The following TDRD3 variants were observed in gnomAD, a reference collection of about 807,000 sequenced individuals.
TDRD3 encodes tudor domain containing 3.
In TDRD3, 45 loss-of-function variants were observed where a neutral mutation model predicts 86.7. That is an observed-to-expected ratio of 0.52 (90% CI 0.41 to 0.67). TDRD3 has a LOEUF of 0.67. Among genes scored for constraint, TDRD3 ranks in the 30% least tolerant of loss-of-function variants. The pLI is 0.00. For missense variants in TDRD3, 814 were observed against 889.0 expected (o/e 0.92, Z 1.07); for synonymous variants, 298 against 301.7 (o/e 0.99, Z 0.13).
At chr13:60,499,906 T>G (rs1388174444) in intron 8 of TDRD3, among the ~76,000 whole-genome samples, 2 of 152,104 alleles carry the variant, frequency 1.3e-5, no homozygotes, top group African/African-American at 4.8e-5. Context: ...TTGAGTGGGG[T>G]CCAGAACAGG....
At chr13:60,464,599 C>G (rs547052427) in intron 4 of TDRD3, among the ~76,000 whole-genome samples, 1 of 152,008 alleles carries the variant, frequency 6.6e-6, no homozygotes, top group African/African-American at 2.4e-5. Context: ...CACACACACA[C>G]ATACACTGGA....
At chr13:60,565,515 GATAGAA>G (rs1958438934) in intron 12 of TDRD3, among the ~76,000 whole-genome samples, 3 of 152,206 alleles carry the variant, frequency 2.0e-5, no homozygotes, top group Middle Eastern at 6.8e-3. Context: ...AAACACAATA[GATAGAA>G]ATAGATTTTC....
At chr13:60,496,343 A>ATATATATATATATATC (rs1339973715) in intron 8 of TDRD3, among the ~76,000 whole-genome samples, 2 of 91,554 alleles carry the variant, frequency 2.2e-5, no homozygotes, top group African/African-American at 4.1e-5. Context: ...ATATATATAT[A>ATATATATATATATATC]TCCTCTAAAG....
At chr13:60,478,585 A>C (rs1214061255) in intron 5 of TDRD3, among the ~76,000 whole-genome samples, 3 of 152,036 alleles carry the variant, frequency 2.0e-5, no homozygotes, top group Non-Finnish European at 2.9e-5. Context: ...GATTACAGGC[A>C]TGAGCTACCG....
At chr13:60,406,351 A>G (rs1344125149) in intron 1 of TDRD3, among the ~76,000 whole-genome samples, 1 of 152,234 alleles carries the variant, frequency 6.6e-6, no homozygotes, top group African/African-American at 2.4e-5. Flanking sequence ...ATACGCACTG[A>G]ATTTGGAAGA....
At chr13:60,557,165 CA>C (rs1406923421) in intron 12 of TDRD3, among the ~76,000 whole-genome samples, 1 of 141,620 alleles carries the variant, frequency 7.1e-6, no homozygotes, top group Non-Finnish European at 1.5e-5. Context: ...GAGATTGTGC[CA>C]TCGCACTCCA....
At chr13:60,495,775 A>G (rs1399295959) in intron 8 of TDRD3, among the ~76,000 whole-genome samples, 2 of 152,012 alleles carry the variant, frequency 1.3e-5, no homozygotes, top group Non-Finnish European at 2.9e-5. Flanking sequence ...GTGGGATAAA[A>G]GTTTTTAAGG....
intron 1 of TDRD3, among the ~76,000 whole-genome samples, chr13:60,406,673 C>T (rs2137811738): frequency 6.6e-6 from 1 of 152,210 alleles, no homozygotes; most frequent in Admixed American, 6.5e-5. Flanking sequence ...ATTGAGTTTT[C>T]TAAGAACAGA....
At chr13:60,400,977 A>T (rs914819160) in intron 1 of TDRD3, among the ~76,000 whole-genome samples, 1 of 152,186 alleles carries the variant, frequency 6.6e-6, no homozygotes, top group African/African-American at 2.4e-5. Flanking sequence ...ACATTTAAAA[A>T]TTGAAAATTG....
At chr13:60,489,245 T>A (rs924414826) in intron 7 of TDRD3, among the ~76,000 whole-genome samples, 2 of 152,242 alleles carry the variant, frequency 1.3e-5, no homozygotes. Context: ...TAGTTATTTA[T>A]TGATTTCTTT....
Position 60,397,392 on chromosome 13 carries a change from T to C in TDRD3, c.28T>C (p.Ser10Pro). The C allele has an allele frequency of 6.7e-7, 1 of 1,500,542 alleles. No homozygotes were observed. Among genetic ancestry groups the C allele is most frequent in the Non-Finnish European group, 8.9e-7 (1 of 1,126,370 alleles). The allele number at this position is 1,500,542 out of a possible 1,614,324, so 93.0% of individuals were successfully genotyped here. A position where few individuals can be genotyped will look rare whatever the true frequency, so the allele number is the denominator to read the frequency against. The change falls in exon 1 of 14, where the codon TCC becomes CCC. Residue 10 changes from serine to proline, a missense_variant. Physicochemically the swap from Ser to Pro is moderately conservative, Grantham distance 74. Coordinates refer to ENST00000377881, the MANE Select transcript of TDRD3 (RefSeq NM_001146070.2). ...GGCCCAGGTGGCCGGCGCGGCGTTGTCCCAGGCGGGTTGGTAAGTGGCGAG... is the reference window on the plus strand; with the variant it reads ...GGCCCAGGTGGCCGGCGCGGCGTTGCCCCAGGCGGGTTGGTAAGTGGCGAG... MAQVAGAALSQAGWYLSDEG... is the reference protein window; with the variant it reads MAQVAGAALPQAGWYLSDEG...
intron 7 of TDRD3, among the ~76,000 whole-genome samples, chr13:60,490,050 G>GTTTTTT (rs11397531): frequency 1.8e-5 from 2 of 111,042 alleles, no homozygotes; most frequent in Admixed American, 1.0e-4. Context: ...AAGCATCTTA[G>GTTTTTT]TTTTTTTTTT....
chr13:60,447,519 C>T (rs945153512), intron 3 of TDRD3, among the ~76,000 whole-genome samples: 3 of 152,116 alleles, frequency 2.0e-5, no homozygotes, highest in Non-Finnish European at 2.9e-5. Context: ...GTATTTTTAT[C>T]TTGAAAGTCT....
chr13:60,439,694 T>C lies in TDRD3; in HGVS notation c.48T>C (p.Leu16=). 6.5e-7 allele frequency: 1 copy of C among 1,536,832 alleles called. No homozygotes were observed. Among genetic ancestry groups the C allele is most frequent in the Non-Finnish European group, 8.8e-7 (1 of 1,142,502 alleles). ...GAALSQAGWY[L]SDEGIEACTS... is the part of the protein sequence containing the mutation. ...ATTTATTTTATTTTAACAGGTATCT[T>C]TCAGATGAAGGCATTGAAGCTTGCA... Residue 16 remains leucine (L), a synonymous_variant, in exon 2 of 14, where the codon CTT becomes CTC. Transcript: ENST00000377881.
chr13:60,421,343 G>A (rs560385762), intron 1 of TDRD3, among the ~76,000 whole-genome samples: 50 of 152,150 alleles, frequency 3.3e-4, no homozygotes, highest in South Asian at 1.5e-3. Flanking sequence ...TAAAACAATC[G>A]GATCTCATGA....
intron 12 of TDRD3, among the ~76,000 whole-genome samples, chr13:60,565,188 T>A (rs1036788220): frequency 6.6e-6 from 1 of 151,768 alleles, no homozygotes; most frequent in Non-Finnish European, 1.5e-5. Context: ...CCCGAGTAGC[T>A]GGGACTACAG....
In TDRD3 at chr13:60,528,990, G is replaced by A. The variant is rs1957520866; in HGVS notation, c.1765G>A (p.Gly589Arg). The change falls in exon 11 of 14, where the codon GGA becomes AGA. Residue 589 changes from glycine (G) to arginine (R), a missense_variant. Transcript: ENST00000377881. The part of the protein sequence containing the change: ...RSNSFIGVPN[G>R]EVEMPLKGRR... The stretch of plus-strand genomic sequence containing the variant: ...TAATAGTTTCATTGGTGTTCCAAAT[G>A]GAGAAGTAGAAATGCCACTGAAAGG... The A allele has an allele frequency of 6.2e-7, 1 of 1,614,016 alleles. No homozygotes were observed. The highest frequency in any genetic ancestry group is 8.5e-7 in the Non-Finnish European group (1 of 1,179,950).
intron 12 of TDRD3, among the ~76,000 whole-genome samples, chr13:60,566,656 C>T (rs545601847): frequency 1.3e-5 from 2 of 152,180 alleles, no homozygotes; most frequent in African/African-American, 2.4e-5. Flanking sequence ...AATTTTTTCT[C>T]TCTCTAATAG....
chr13:60,544,711 A>T (rs1957898975), intron 12 of TDRD3, among the ~76,000 whole-genome samples: 1 of 152,238 alleles, frequency 6.6e-6, no homozygotes, highest in East Asian at 1.9e-4. Context: ...ACTGCTCTTG[A>T]TCTCCTATTC....
Sources: gnomAD v4.1 joint callset for allele counts (sites outside exome capture counted in the v4.1 genomes callset) on GRCh38, gnomAD v4.1.1 for gene constraint, MANE v1.5 for transcripts, NCBI Gene and HGNC (gene_info 2026-07-23, HGNC 2026-07-21) for gene names.